The following PCDHA9 variants were observed in gnomAD, a reference collection of about 807,000 sequenced individuals.
PCDHA9 encodes protocadherin alpha 9, also known as protocadherin alpha-9.
Under a neutral mutation model 62.0 loss-of-function variants are expected in PCDHA9, and 62 were observed. The ratio of observed to expected loss-of-function variants is 1.00; its 90% confidence interval spans 0.81 to 1.23. PCDHA9 has a LOEUF of 1.23. Among genes scored for constraint, PCDHA9 ranks in the 50% most tolerant of loss-of-function variants. The pLI, the probability that PCDHA9 is intolerant of heterozygous loss-of-function variation, is 0.00. For synonymous variants in PCDHA9, 557 were observed against 567.6 expected, an observed-to-expected ratio of 0.98 and a Z score of 0.27; for missense variants, 1,205 against 1,249.8, an observed-to-expected ratio of 0.96 and a Z score of 0.54.
At chr5:140,857,792 C>A (rs368399538) in intron 1 of PCDHA9, 3 of 1,597,430 alleles carry the variant, frequency 1.9e-6, no homozygotes, top group Non-Finnish European at 1.7e-6. Flanking sequence ...GCTGGTGCTG[C>A]GGTCGGTGGT....
intron 1 of PCDHA9, among the ~76,000 whole-genome samples, chr5:140,918,353 C>T (rs557694814): frequency 4.6e-5 from 7 of 152,236 alleles, no homozygotes; most frequent in African/African-American, 1.7e-4. Context: ...AGGTTGACTT[C>T]CTCTCTGCCT....
intron 1 of PCDHA9, among the ~76,000 whole-genome samples, chr5:140,917,244 C>T (rs891511496): frequency 1.9e-4 from 29 of 149,864 alleles, no homozygotes; most frequent in Non-Finnish European, 3.0e-4. Flanking sequence ...CTAGGTACTA[C>T]GATTGCTCAC....
At chr5:140,989,837 T>C (rs1389244965) in intron 3 of PCDHA9, among the ~76,000 whole-genome samples, 1 of 152,120 alleles carries the variant, frequency 6.6e-6, no homozygotes, top group African/African-American at 2.4e-5. Context: ...AGCCTGTCAA[T>C]GAGTGTGTGG....
chr5:140,917,585 T>C (rs1204000344), intron 1 of PCDHA9, among the ~76,000 whole-genome samples: 1 of 152,244 alleles, frequency 6.6e-6, no homozygotes, highest in Non-Finnish European at 1.5e-5. Context: ...TTTTTGTTCA[T>C]GCTGAAAGGA....
At chr5:140,869,380 G>A (rs1315666503) in intron 1 of PCDHA9, 1 of 1,614,046 alleles carries the variant, frequency 6.2e-7, no homozygotes, top group African/African-American at 1.3e-5. Context: ...GATCGACCGC[G>A]AGGAGCTGTG....
chr5:140,877,727 A>C, intron 1 of PCDHA9: 1 of 1,614,136 alleles, frequency 6.2e-7, no homozygotes, highest in South Asian at 1.1e-5. Flanking sequence ...TCTTACTCGC[A>C]GCAGAGGAGG....
chr5:141,005,584 C>T (rs1307831783), intron 3 of PCDHA9, among the ~76,000 whole-genome samples: 2 of 151,062 alleles, frequency 1.3e-5, no homozygotes, highest in Non-Finnish European at 2.9e-5. Context: ...TGCCTGTAGT[C>T]CCAGCTACAC....
At chr5:140,862,664 C>A in intron 1 of PCDHA9, 1 of 547,450 alleles carries the variant, frequency 1.8e-6, no homozygotes, top group Non-Finnish European at 3.7e-6. Flanking sequence ...GACCGGGACG[C>A]GCAGGAGAAC....
At chr5:140,874,117 T>C (rs1349618614) in intron 1 of PCDHA9, among the ~76,000 whole-genome samples, 2 of 152,248 alleles carry the variant, frequency 1.3e-5, no homozygotes, top group Admixed American at 1.3e-4. Context: ...TAACGTTTTA[T>C]AGTTTATTTA....
chr5:140,930,358 T>A (rs1253370170), intron 1 of PCDHA9: 1 of 152,216 alleles, frequency 6.6e-6, no homozygotes, highest in African/African-American at 2.4e-5. Context: ...AATATTTCAA[T>A]TTATCTGTTA....
chr5:140,922,477 C>T (rs1233589980), intron 1 of PCDHA9, among the ~76,000 whole-genome samples: 2 of 152,124 alleles, frequency 1.3e-5, no homozygotes, highest in African/African-American at 2.4e-5. Context: ...GGAGAGAAGG[C>T]AGGACTAAAT....
At chr5:140,927,741 C>T (rs782292892) in intron 1 of PCDHA9, 1 of 1,614,244 alleles carries the variant, frequency 6.2e-7, no homozygotes, top group East Asian at 2.2e-5. Flanking sequence ...TGCGACACCG[C>T]TTTCACGTGC....
At chr5:140,958,515 A>G (rs1217324801) in intron 1 of PCDHA9, among the ~76,000 whole-genome samples, 1 of 152,150 alleles carries the variant, frequency 6.6e-6, no homozygotes, top group Non-Finnish European at 1.5e-5. Flanking sequence ...TGGCTGTCCA[A>G]TATATACTAT....
chr5:140,916,406 G>A (rs988786781), intron 1 of PCDHA9, among the ~76,000 whole-genome samples: 1 of 152,186 alleles, frequency 6.6e-6, no homozygotes, highest in Admixed American at 6.5e-5. Flanking sequence ...GATCACACCT[G>A]AAGTCAGCAC....
At chr5:140,870,914 C>A (rs369740429) in intron 1 of PCDHA9, 10 of 1,613,828 alleles carry the variant, frequency 6.2e-6, no homozygotes, top group African/African-American at 1.3e-5. Context: ...GGCTACAACG[C>A]GTGGCTTTCA....
intron 1 of PCDHA9, among the ~76,000 whole-genome samples, chr5:140,937,289 G>A (rs1252675615): frequency 6.6e-5 from 10 of 151,862 alleles, no homozygotes; most frequent in African/African-American, 9.7e-5. Flanking sequence ...CACCCGCTTC[G>A]GCCTCCCAAA....
At chr5:140,892,260 T>C (rs2063449120) in intron 1 of PCDHA9, among the ~76,000 whole-genome samples, 1 of 152,218 alleles carries the variant, frequency 6.6e-6, no homozygotes, top group East Asian at 1.9e-4. Flanking sequence ...TCTTTGATTT[T>C]GTGCTGAAAG....
intron 1 of PCDHA9, chr5:140,856,194 A>G (rs1299614347): frequency 1.3e-6 from 2 of 1,598,082 alleles, no homozygotes; most frequent in Non-Finnish European, 1.7e-6. Context: ...CGCATCGCGC[A>G]GGACCTGGGG....
chr5:140,958,295 C>A (rs1405336220), intron 1 of PCDHA9, among the ~76,000 whole-genome samples: 1 of 151,884 alleles, frequency 6.6e-6, no homozygotes, highest in African/African-American at 2.4e-5. Context: ...TATTATTGAA[C>A]TTAATTAAAA....
Sources: gnomAD v4.1 joint callset for allele counts (sites outside exome capture counted in the v4.1 genomes callset) on GRCh38, gnomAD v4.1.1 for gene constraint, MANE v1.5 for transcripts, NCBI Gene and HGNC (gene_info 2026-07-23, HGNC 2026-07-21) for gene names.